The following TBC1D22A variants were observed in gnomAD, a reference collection of about 807,000 sequenced individuals.
TBC1D22A encodes TBC1 domain family member 22A.
A neutral mutation model predicts 60.2 loss-of-function variants in TBC1D22A; 38 were observed. The ratio of observed to expected loss-of-function variants is 0.63; its 90% CI spans 0.49 to 0.83. TBC1D22A has a LOEUF of 0.83. TBC1D22A is among the 40% of genes least tolerant of loss of function. The probability of loss-of-function intolerance (pLI) is 0.00; values close to 1 mark genes in which losing one functional copy is unlikely to be tolerated. For missense variants in TBC1D22A, 628 were observed against 701.0 expected, an observed-to-expected ratio of 0.90 and a Z score of 1.18; for synonymous variants, 302 against 281.7, an observed-to-expected ratio of 1.07 and a Z score of -0.72.
intron 5 of TBC1D22A, among the ~76,000 whole-genome samples, chr22:46,888,940 G>A (rs1023197148): frequency 1.3e-5 from 2 of 152,188 alleles, no homozygotes; most frequent in Admixed American, 6.5e-5. Context: ...TCCTGACGTC[G>A]TGATCTGCCT....
intron 1 of TBC1D22A, among the ~76,000 whole-genome samples, chr22:46,772,859 A>T (rs1250237827): frequency 1.3e-5 from 2 of 151,934 alleles, no homozygotes; most frequent in Non-Finnish European, 2.9e-5. Context: ...CCATCTCCTG[A>T]CCTCCTGATC....
intron 8 of TBC1D22A, among the ~76,000 whole-genome samples, chr22:46,964,451 A>G (rs2073700277): frequency 6.6e-6 from 1 of 152,168 alleles, no homozygotes; most frequent in Non-Finnish European, 1.5e-5. Context: ...GGAGGCCCGT[A>G]TATTCTTTTC....
At chr22:47,002,143 T>G (rs1438795042) in intron 10 of TBC1D22A, among the ~76,000 whole-genome samples, 1 of 152,270 alleles carries the variant, frequency 6.6e-6, no homozygotes, top group African/African-American at 2.4e-5. Flanking sequence ...ACCTTTACTC[T>G]CCAACTGATA....
intron 8 of TBC1D22A, among the ~76,000 whole-genome samples, chr22:46,945,300 C>T (rs545346130): frequency 6.8e-4 from 103 of 152,308 alleles, no homozygotes; most frequent in Non-Finnish European, 5.7e-4. Flanking sequence ...GCGCTTATTG[C>T]TGGGGGCTGT....
intron 12 of TBC1D22A, among the ~76,000 whole-genome samples, chr22:47,119,375 C>G (rs1002907858): frequency 6.6e-6 from 1 of 152,234 alleles, no homozygotes; most frequent in African/African-American, 2.4e-5. Context: ...TCCCAGCACC[C>G]TGTCTCAGCT....
chr22:46,813,787 T>C (rs930789050), intron 4 of TBC1D22A, among the ~76,000 whole-genome samples: 4 of 152,214 alleles, frequency 2.6e-5, no homozygotes, highest in African/African-American at 9.7e-5. Flanking sequence ...AGTTATCCTG[T>C]CTGTGCTGGG....
chr22:47,056,438 T>C (rs572223069), intron 11 of TBC1D22A, among the ~76,000 whole-genome samples: 1 of 152,236 alleles, frequency 6.6e-6, no homozygotes, highest in East Asian at 1.9e-4. Context: ...AGAATGAGCC[T>C]GCGCATTTTC....
chr22:46,772,960 A>T (rs1034732187), intron 1 of TBC1D22A, among the ~76,000 whole-genome samples: 1 of 152,174 alleles, frequency 6.6e-6, no homozygotes, highest in Non-Finnish European at 1.5e-5. Context: ...TTGTTGATGG[A>T]TGGGCATTTG....
At chr22:46,978,649 C>T (rs892108415) in intron 9 of TBC1D22A, among the ~76,000 whole-genome samples, 1 of 152,128 alleles carries the variant, frequency 6.6e-6, no homozygotes, top group Admixed American at 6.5e-5. Context: ...ATGAAGTCTC[C>T]TCCAGGCTGG....
intron 4 of TBC1D22A, among the ~76,000 whole-genome samples, chr22:46,820,632 G>A (rs935381836): frequency 7.2e-5 from 11 of 152,208 alleles, no homozygotes; most frequent in African/African-American, 2.7e-4. Flanking sequence ...ATTTGCTGAG[G>A]AGTGTTTTAC....
intron 12 of TBC1D22A, among the ~76,000 whole-genome samples, chr22:47,163,187 A>T (rs960210249): frequency 6.7e-4 from 101 of 151,312 alleles, no homozygotes; most frequent in African/African-American, 2.3e-3. Flanking sequence ...CCACCCAGAC[A>T]GAGGGACAGG....
At chr22:47,007,025 C>T (rs538798650) in intron 10 of TBC1D22A, among the ~76,000 whole-genome samples, 66 of 152,304 alleles carry the variant, frequency 4.3e-4, no homozygotes, top group Non-Finnish European at 8.1e-4. Flanking sequence ...CCAAGAAGGA[C>T]TCTGTGCCAT....
chr22:46,921,738 C>G (rs1299826944), intron 8 of TBC1D22A, among the ~76,000 whole-genome samples: 1 of 151,880 alleles, frequency 6.6e-6, no homozygotes, highest in Non-Finnish European at 1.5e-5. Context: ...TGTCTACAAC[C>G]TCCACAGCAT....
At chr22:47,068,507 T>C (rs1458215285) in intron 11 of TBC1D22A, among the ~76,000 whole-genome samples, 1 of 152,268 alleles carries the variant, frequency 6.6e-6, no homozygotes, top group Non-Finnish European at 1.5e-5. Flanking sequence ...CTGCTTTTCA[T>C]ATAAGTTCTT....
chr22:46,960,559 G>C (rs2073440622), intron 8 of TBC1D22A, among the ~76,000 whole-genome samples: 1 of 152,176 alleles, frequency 6.6e-6, no homozygotes, highest in Non-Finnish European at 1.5e-5. Context: ...ATCACGCCTG[G>C]CCTCTTGGCG....
At chr22:47,051,734 G>A (rs555176700) in intron 11 of TBC1D22A, among the ~76,000 whole-genome samples, 35 of 152,310 alleles carry the variant, frequency 2.3e-4, no homozygotes, top group African/African-American at 7.9e-4. Context: ...CCCCAGGACT[G>A]CTCCTCTCCA....
chr22:46,977,677 C>T (rs766981983), intron 9 of TBC1D22A, among the ~76,000 whole-genome samples: 1 of 152,188 alleles, frequency 6.6e-6, no homozygotes, highest in East Asian at 1.9e-4. Flanking sequence ...GTTCCACAAG[C>T]TGTACAGGAA....
chr22:46,940,237 T>C (rs2071904869), intron 8 of TBC1D22A, among the ~76,000 whole-genome samples: 1 of 152,210 alleles, frequency 6.6e-6, no homozygotes, highest in African/African-American at 2.4e-5. Flanking sequence ...ATGGCACTGA[T>C]GGACTTGCTC....
Position 47,173,855 on chromosome 22 carries a change from G to A in TBC1D22A, c.*229G>A. 2 of 613,388 alleles carry A rather than the reference G, an allele frequency of 3.3e-6. No homozygotes were observed. Among genetic ancestry groups the A allele is most frequent in the Non-Finnish European group, 5.2e-6 (2 of 385,918 alleles). The allele number at this position is 613,388 out of a possible 1,614,324, so 38.0% of individuals were successfully genotyped here. A position where few individuals can be genotyped will look rare whatever the true frequency, so the allele number is the denominator to read the frequency against. ...CAAAGAGAGCCAGGGGAGGGCCCCG[G>A]GTTCGGCGGCCAGAGGCAGGTCAGG... On this transcript the variant is annotated 3_prime_UTR_variant, in exon 13 of 13. Transcript: ENST00000337137.
Sources: allele counts gnomAD v4.1 joint callset (sites outside exome capture counted in the v4.1 genomes callset), GRCh38; gene constraint gnomAD v4.1.1; transcripts MANE v1.5; gene names NCBI Gene and HGNC (gene_info 2026-07-23, HGNC 2026-07-21).